GOLM1: variants seen among roughly 807,000 people sequenced by gnomAD.
GOLM1 encodes the protein golgi membrane protein 1.
Under a neutral mutation model 50.5 loss-of-function variants are expected in GOLM1, and 31 were observed. The observed-to-expected ratio is 0.61, with a 90% confidence interval of 0.46 to 0.83. The LOEUF (loss-of-function observed/expected upper bound fraction) is 0.83. Among genes scored for constraint, GOLM1 ranks in the 40% least tolerant of loss-of-function variants. The pLI is 0.00. For missense variants in GOLM1, 491 were observed against 501.3 expected, an observed-to-expected ratio of 0.98 and a Z score of 0.20; for synonymous variants, 178 against 192.8, an observed-to-expected ratio of 0.92 and a Z score of 0.64.
At chr9:86,044,478 C>T (rs1397342769) in intron 5 of GOLM1, among the ~76,000 whole-genome samples, 2 of 152,192 alleles carry the variant, frequency 1.3e-5, no homozygotes, top group East Asian at 3.8e-4. Flanking sequence ...GGTGACCACA[C>T]AGATGGCTCA....
At chr9:86,085,457 T>TTG (rs1435798452) in intron 1 of GOLM1, among the ~76,000 whole-genome samples, 79 of 151,098 alleles carry the variant, frequency 5.2e-4, no homozygotes, top group African/African-American at 1.4e-3. Flanking sequence ...GTTTTTGTTT[T>TTG]TTTTTTTTTT....
At chr9:86,053,665 A>ATACCAAACCACACACCATAC (rs1564347570) in intron 3 of GOLM1, among the ~76,000 whole-genome samples, 2 of 60,594 alleles carry the variant, frequency 3.3e-5, no homozygotes, top group Non-Finnish European at 5.7e-5. Context: ...ACACCACTCC[A>ATACCAAACCACACACCATAC]CACACGGCAC....
rs1832804623 is a variant in GOLM1 at position 86,026,930 on chromosome 9, T to G, written c.*887A>C. The G allele has an allele frequency of 2.0e-6, 2 of 985,032 alleles. No individual in the cohort carries two copies. The highest frequency in any genetic ancestry group is 2.4e-6 in the Non-Finnish European group (2 of 829,604). 61.0% of individuals were successfully genotyped at this position (985,032 alleles called of 1,614,324 possible). On this transcript the variant is annotated 3_prime_UTR_variant, in exon 10 of 10. Transcript: ENST00000388712. The stretch of plus-strand genomic sequence containing the variant: ...ATCAATGAACTTTGTTTTCTTTTAC[T>G]CCAGTAATAAAGTAGGCACAGATCT...
Position 86,026,923 on chromosome 9 carries a change from C to A in GOLM1, c.*894G>T. 3 of 985,024 alleles carry A rather than the reference C, an allele frequency of 3.0e-6. No homozygotes were observed. The highest frequency in any genetic ancestry group is 3.6e-6 in the Non-Finnish European group (3 of 829,624). The allele number at this position is 985,024 out of a possible 1,614,324, so 61.0% of individuals were successfully genotyped here. A position where few individuals can be genotyped will look rare whatever the true frequency, so the allele number is the denominator to read the frequency against. On this transcript the variant is annotated 3_prime_UTR_variant, in exon 10 of 10. Transcript: ENST00000388712. ...CTTCGACATCAATGAACTTTGTTTT[C>A]TTTTACTCCAGTAATAAAGTAGGCA...
chr9:86,027,574 C>T lies in GOLM1; in HGVS notation c.*243G>A. On this transcript the variant is annotated 3_prime_UTR_variant, in exon 10 of 10. Transcript: ENST00000388712. ...GTTCCAGTTTTGGTGTTGAACTTCT[C>T]ACGAAATACCTACTACCAAAAATTG... is the stretch of plus-strand genomic sequence containing the variant. 2 of 1,284,858 alleles carry T rather than the reference C, an allele frequency of 1.6e-6. No homozygotes were observed. The highest frequency in any genetic ancestry group is 9.8e-7 in the Non-Finnish European group (1 of 1,017,144). The allele number at this position is 1,284,858 out of a possible 1,614,324, so 79.6% of individuals were successfully genotyped here.
At chr9:86,093,630 T>C (rs1458066061) in intron 1 of GOLM1, among the ~76,000 whole-genome samples, 1 of 136,252 alleles carries the variant, frequency 7.3e-6, no homozygotes, top group South Asian at 2.2e-4. Context: ...TCTTACCTAC[T>C]GGCTTAATTT....
Position 86,079,275 on chromosome 9 carries a change from G to T in GOLM1, c.46C>A (p.Leu16Ile). 1 of 1,609,716 alleles carries T rather than the reference G, an allele frequency of 6.2e-7. No homozygotes were observed. The highest frequency in any genetic ancestry group is 8.5e-7 in the Non-Finnish European group (1 of 1,176,880). Reference protein sequence around the residue: ...NGRRSMKSPPLVLAALVACII... With the variant: ...NGRRSMKSPPIVLAALVACII... ...CAGGCCACCAGGGCGGCCAGCACGAGGGGCGGCGACTTCATGCTGCGACGC... is the reference window on the plus strand; with the variant it reads ...CAGGCCACCAGGGCGGCCAGCACGATGGGCGGCGACTTCATGCTGCGACGC... The change falls in exon 2 of 10, where the codon CTC becomes ATC. Residue 16 changes from leucine to isoleucine, a missense_variant. Transcript: ENST00000388712.
At chr9:86,056,001 T>TA (rs1192085545) in intron 3 of GOLM1, among the ~76,000 whole-genome samples, 1 of 143,042 alleles carries the variant, frequency 7.0e-6, no homozygotes, top group East Asian at 2.0e-4. Flanking sequence ...CAAAAACACT[T>TA]AAATTATTAC....
intron 6 of GOLM1, among the ~76,000 whole-genome samples, chr9:86,039,692 G>A (rs1833269113): frequency 6.6e-6 from 1 of 152,188 alleles, no homozygotes; most frequent in Non-Finnish European, 1.5e-5. Context: ...GACAGTCCGG[G>A]CGTGGTGGCT....
intron 9 of GOLM1, among the ~76,000 whole-genome samples, chr9:86,029,147 A>ACG (rs1832890066): frequency 6.6e-6 from 1 of 152,008 alleles, no homozygotes; most frequent in Admixed American, 6.6e-5. Flanking sequence ...GTGAGCAACC[A>ACG]CGCCCAGCTG....
At chr9:86,031,078 C>T (rs1217644173) in intron 9 of GOLM1, among the ~76,000 whole-genome samples, 3 of 152,078 alleles carry the variant, frequency 2.0e-5, no homozygotes, top group Admixed American at 6.5e-5. Context: ...GACGTGGTGG[C>T]GTGCGCCTCT....
chr9:86,047,884 A>AT (rs1833603965), intron 4 of GOLM1, among the ~76,000 whole-genome samples: 1 of 152,148 alleles, frequency 6.6e-6, no homozygotes, highest in African/African-American at 2.4e-5. Context: ...AATTATTATT[A>AT]TTTTTTAATT....
At chr9:86,051,174 TTGAG>T (rs1378638296) in intron 4 of GOLM1, among the ~76,000 whole-genome samples, 3 of 152,196 alleles carry the variant, frequency 2.0e-5, no homozygotes, top group South Asian at 2.1e-4. Context: ...TTGAGCGGTT[TTGAG>T]TGAGTTTCTT....
intron 3 of GOLM1, among the ~76,000 whole-genome samples, chr9:86,062,208 C>T (rs1295828513): frequency 2.0e-5 from 3 of 152,080 alleles, no homozygotes; most frequent in Non-Finnish European, 4.4e-5. Flanking sequence ...GCAGGATGCT[C>T]CCAGGACCCG....
chr9:86,087,482 A>C (rs1835015478), intron 1 of GOLM1, among the ~76,000 whole-genome samples: 1 of 152,198 alleles, frequency 6.6e-6, no homozygotes, highest in Non-Finnish European at 1.5e-5. Flanking sequence ...ACCATGCTGA[A>C]TAGGAGTGAT....
At chr9:86,094,667 C>A (rs555880532) in intron 1 of GOLM1, among the ~76,000 whole-genome samples, 8 of 152,094 alleles carry the variant, frequency 5.3e-5, no homozygotes, top group Non-Finnish European at 1.2e-4. Flanking sequence ...CGATGGCTCA[C>A]GTCTATAATC....
intron 9 of GOLM1, among the ~76,000 whole-genome samples, chr9:86,032,118 T>C (rs73476952): frequency 0.066 from 10,061 of 151,992 alleles, 1,091 homozygotes; most frequent in African/African-American, 0.23. Flanking sequence ...CATGACTCTA[T>C]AATCAGCAGT....
intron 8 of GOLM1, chr9:86,035,077 G>A (rs1182971013): frequency 7.1e-6 from 7 of 985,268 alleles, no homozygotes; most frequent in Non-Finnish European, 8.4e-6. Flanking sequence ...GCCAGGAGGG[G>A]GCGTCCACTT....
chr9:86,042,550 C>T (rs1833392251), intron 5 of GOLM1, among the ~76,000 whole-genome samples: 1 of 152,168 alleles, frequency 6.6e-6, no homozygotes, highest in Admixed American at 6.5e-5. Flanking sequence ...AGTTCCTGAC[C>T]TTGAACAGCT....
Sources: allele counts gnomAD v4.1 joint callset (sites outside exome capture counted in the v4.1 genomes callset), GRCh38; gene constraint gnomAD v4.1.1; transcripts MANE v1.5; gene names NCBI Gene and HGNC (gene_info 2026-07-23, HGNC 2026-07-21).